The following FBXL7 variants were observed in gnomAD, a reference collection of about 807,000 sequenced individuals.
FBXL7 encodes the protein F-box and leucine rich repeat protein 7.
A neutral mutation model predicts 38.3 loss-of-function variants in FBXL7; 12 were observed. The observed-to-expected ratio is 0.31, with a 90% CI of 0.20 to 0.51. FBXL7 has a LOEUF of 0.51. Ranked by LOEUF, FBXL7 falls within the 20% of genes least tolerant of loss-of-function variation. The probability of loss-of-function intolerance (pLI) is 0.98; values close to 1 mark genes in which losing one functional copy is unlikely to be tolerated. For missense variants in FBXL7, 567 were observed against 676.4 expected, an observed-to-expected ratio of 0.84 and a Z score of 1.79; for synonymous variants, 297 against 300.9, an observed-to-expected ratio of 0.99 and a Z score of 0.13.
chr5:15,935,987 C>T (rs531476699), intron 3 of FBXL7, among the ~76,000 whole-genome samples: 6 of 152,226 alleles, frequency 3.9e-5, no homozygotes, highest in African/African-American at 1.4e-4. Context: ...TACTTTGGAC[C>T]AGGGAGCTTC....
At chr5:15,787,178 T>C (rs768516825) in intron 2 of FBXL7, among the ~76,000 whole-genome samples, 5 of 152,206 alleles carry the variant, frequency 3.3e-5, no homozygotes, top group African/African-American at 1.2e-4. Flanking sequence ...TACATTTCTG[T>C]TGTTTTTAAG....
At chr5:15,616,550 T>TTTA in intron 2 of FBXL7, among the ~76,000 whole-genome samples, 1 of 152,306 alleles carries the variant, frequency 6.6e-6, no homozygotes, top group South Asian at 2.1e-4. Flanking sequence ...AGGGGGTTTC[T>TTTA]TTATTATTAT....
chr5:15,796,544 T>C (rs1418678125), intron 2 of FBXL7, among the ~76,000 whole-genome samples: 1 of 152,204 alleles, frequency 6.6e-6, no homozygotes, highest in Non-Finnish European at 1.5e-5. Context: ...CATCAGTTCC[T>C]GATCCAAACT....
chr5:15,575,203 A>G (rs1738919048), intron 1 of FBXL7, among the ~76,000 whole-genome samples: 1 of 151,072 alleles, frequency 6.6e-6, no homozygotes, highest in Admixed American at 6.6e-5. Context: ...AAGAAATCAC[A>G]TTTTGTTTCT....
At chr5:15,528,055 C>T (rs1316501067) in intron 1 of FBXL7, among the ~76,000 whole-genome samples, 1 of 152,164 alleles carries the variant, frequency 6.6e-6, no homozygotes, top group Non-Finnish European at 1.5e-5. Context: ...TTTGGATATG[C>T]ATTTCCAGTT....
chr5:15,516,806 G>T (rs1281310171), intron 1 of FBXL7, among the ~76,000 whole-genome samples: 1 of 151,902 alleles, frequency 6.6e-6, no homozygotes, highest in African/African-American at 2.4e-5. Context: ...CCTTTTGGTC[G>T]GCATTTCTCC....
At chr5:15,871,702 A>G (rs1739972167) in intron 2 of FBXL7, among the ~76,000 whole-genome samples, 1 of 152,146 alleles carries the variant, frequency 6.6e-6, no homozygotes, top group Admixed American at 6.5e-5. Flanking sequence ...AAAGGATATC[A>G]GAGATTGAAG....
At chr5:15,857,632 C>T (rs1038469941) in intron 2 of FBXL7, among the ~76,000 whole-genome samples, 22 of 152,202 alleles carry the variant, frequency 1.4e-4, no homozygotes, top group Admixed American at 6.5e-4. Flanking sequence ...CACCATCAAA[C>T]ATAGAAGATC....
At chr5:15,913,419 A>G (rs771845410) in intron 2 of FBXL7, among the ~76,000 whole-genome samples, 5 of 152,236 alleles carry the variant, frequency 3.3e-5, no homozygotes, top group Non-Finnish European at 5.9e-5. Flanking sequence ...TCACTATGCT[A>G]TGAAAGTGTT....
chr5:15,591,953 G>A lies in FBXL7; in HGVS notation c.38-24030G>A, dbSNP rs185358686. Among the ~76,000 whole-genome samples the A allele has an allele frequency of 2.9e-3, 441 of 152,142 alleles. 2 individuals are homozygous for A. Among genetic ancestry groups the A allele is most frequent in the Non-Finnish European group, 5.0e-3 (338 of 67,966 alleles). ...TCTTGATCTCTTGACCTTGTGATCC[G>A]CCCGCCTTGGCCTCCTGAAGTTCTG... On this transcript the variant is annotated intron_variant, in intron 1 of 3. Coordinates refer to ENST00000504595, the MANE Select transcript of FBXL7 (RefSeq NM_012304.5).
In FBXL7 at chr5:15,516,400, A is replaced by G. The variant is rs910375272; in HGVS notation, c.37+15687A>G. 3.9e-5 allele frequency among the ~76,000 whole-genome samples: 6 copies of G among 152,332 alleles called. No individual in the cohort carries two copies. The East Asian group carries it at 5.8e-4, about 15-fold the overall frequency. On this transcript the variant is annotated intron_variant, in intron 1 of 3. Transcript: ENST00000504595. ...ACTAAACTTCGTACTTTGAGAAAATATATCAGGTGCTCCTAACTGCATTCA... is the reference window on the plus strand; with the variant it reads ...ACTAAACTTCGTACTTTGAGAAAATGTATCAGGTGCTCCTAACTGCATTCA...
At chr5:15,506,254 C>T (rs1197981784) in intron 1 of FBXL7, among the ~76,000 whole-genome samples, 1 of 151,946 alleles carries the variant, frequency 6.6e-6, no homozygotes, top group East Asian at 1.9e-4. Flanking sequence ...TAGACACAAG[C>T]ACTGCAATCC....
intron 2 of FBXL7, among the ~76,000 whole-genome samples, chr5:15,739,874 T>A (rs909531886): frequency 5.9e-5 from 9 of 152,212 alleles, no homozygotes; most frequent in Admixed American, 5.2e-4. Context: ...ATGTTTTCAT[T>A]TCTCTTAGGT....
chr5:15,647,988 T>C (rs531109531), intron 2 of FBXL7, among the ~76,000 whole-genome samples: 1 of 152,318 alleles, frequency 6.6e-6, no homozygotes, highest in South Asian at 2.1e-4. Context: ...ACTGGAATGC[T>C]CCAGGAGAAT....
chr5:15,801,063 G>A (rs920125759), intron 2 of FBXL7, among the ~76,000 whole-genome samples: 1 of 152,142 alleles, frequency 6.6e-6, no homozygotes, highest in African/African-American at 2.4e-5. Context: ...CTTTTCTCTG[G>A]GAAGCCTTAG....
intron 2 of FBXL7, among the ~76,000 whole-genome samples, chr5:15,838,748 C>A (rs547398165): frequency 6.6e-6 from 1 of 152,274 alleles, no homozygotes; most frequent in African/African-American, 2.4e-5. Context: ...GACATCTCTT[C>A]CTCCTTAACT....
intron 2 of FBXL7, among the ~76,000 whole-genome samples, chr5:15,885,406 T>A (rs1740635119): frequency 6.6e-6 from 1 of 152,190 alleles, no homozygotes; most frequent in Admixed American, 6.5e-5. Context: ...ATTTCATTTA[T>A]TAGAGACACA....
intron 2 of FBXL7, among the ~76,000 whole-genome samples, chr5:15,662,416 T>C (rs1197622682): frequency 6.6e-6 from 1 of 152,244 alleles, no homozygotes; most frequent in Admixed American, 6.5e-5. Flanking sequence ...CTTTGTCAGA[T>C]GCATAGTTTT....
intron 2 of FBXL7, among the ~76,000 whole-genome samples, chr5:15,731,626 G>A (rs183513930): frequency 4.3e-4 from 66 of 152,262 alleles, no homozygotes; most frequent in African/African-American, 1.4e-3. Flanking sequence ...CAGAGGACAC[G>A]GATGACTTAG....
Sources: gnomAD v4.1 joint callset for allele counts (sites outside exome capture counted in the v4.1 genomes callset) on GRCh38, gnomAD v4.1.1 for gene constraint, MANE v1.5 for transcripts, NCBI Gene and HGNC (gene_info 2026-07-23, HGNC 2026-07-21) for gene names.